Variants in PRLR observed in about 807,000 individuals in gnomAD.
The protein encoded by PRLR is hPRL receptor.
Under a neutral mutation model 40.2 loss-of-function variants are expected in PRLR, and 13 were observed. The ratio of observed to expected loss-of-function variants is 0.32; its 90% CI spans 0.21 to 0.51. PRLR has a LOEUF of 0.51. Among genes scored for constraint, PRLR ranks in the 20% least tolerant of loss-of-function variants. PRLR has a pLI of 0.97. For missense variants in PRLR, 656 were observed against 747.3 expected, an observed-to-expected ratio of 0.88 and a Z score of 1.42; for synonymous variants, 269 against 278.7, an observed-to-expected ratio of 0.97 and a Z score of 0.35.
chr5:35,099,912 C>G (rs1771766506), intron 2 of PRLR, among the ~76,000 whole-genome samples: 1 of 152,076 alleles, frequency 6.6e-6, no homozygotes, highest in Non-Finnish European at 1.5e-5. Flanking sequence ...CACGGTGGTT[C>G]ACGCCTGTAA....
At chr5:35,218,611 C>T (rs1339184236) in intron 1 of PRLR, among the ~76,000 whole-genome samples, 1 of 152,092 alleles carries the variant, frequency 6.6e-6, no homozygotes, top group African/African-American at 2.4e-5. Flanking sequence ...AACCAAGTAA[C>T]TTGAGAGAAG....
rs562181335 is a variant in PRLR at position 35,080,692 on chromosome 5, G to A, written c.373+3778C>T. On this transcript the variant is annotated intron_variant, in intron 5 of 9. Transcript: ENST00000618457. ...TTTGACCCAGCCATCCCATTACTGC[G>A]TATATACCCAAGGGATTATAAATAA... 5.1e-4 allele frequency among the ~76,000 whole-genome samples: 78 copies of A among 152,168 alleles called. 2 individuals carry two copies. In the South Asian group the frequency reaches 0.01, roughly 20 times the overall value.
At chr5:35,074,863 C>T (rs942073433) in intron 5 of PRLR, among the ~76,000 whole-genome samples, 10 of 151,910 alleles carry the variant, frequency 6.6e-5, no homozygotes, top group African/African-American at 2.4e-4. Context: ...CTTGTGAGTA[C>T]CTTCCTAAGA....
chr5:35,079,081 A>G (rs1174471300), intron 5 of PRLR, among the ~76,000 whole-genome samples: 6 of 152,226 alleles, frequency 3.9e-5, no homozygotes, highest in African/African-American at 1.4e-4. Flanking sequence ...GCTATTTATG[A>G]CAAACCCACA....
At chr5:35,094,884 G>A (rs956748818) in intron 2 of PRLR, among the ~76,000 whole-genome samples, 4 of 146,998 alleles carry the variant, frequency 2.7e-5, no homozygotes, top group Non-Finnish European at 5.9e-5. Flanking sequence ...CTGGAGTGCA[G>A]TGGCATGATC....
rs1030467978 is a variant in PRLR at position 35,189,505 on chromosome 5, C to T, written c.-106+40763G>A. Among the ~76,000 whole-genome samples the T allele has an allele frequency of 1.2e-4, 18 of 152,040 alleles. No homozygotes were observed. In the South Asian group the frequency reaches 1.2e-3, roughly 11 times the overall value. ...CTGAGGCTGAAGAATAGCTTGAACC[C>T]GGGAGGCAGAGGTTGTAGTGAGCTG... On this transcript the variant is annotated intron_variant, in intron 1 of 9. Transcript: ENST00000618457.
chr5:35,086,061 ATGGACCT>A, intron 4 of PRLR, 140 bp downstream of exon 4: 1 of 917,000 alleles, frequency 1.1e-6, no homozygotes, highest in Admixed American at 2.3e-5. Context: ...GAATGTGGGC[ATGGACCT>A]TAGACTCCCC....
chr5:35,174,990 A>G (rs1023227213), intron 1 of PRLR, among the ~76,000 whole-genome samples: 6 of 152,224 alleles, frequency 3.9e-5, no homozygotes, highest in Admixed American at 3.3e-4. Context: ...GGATGGTTTA[A>G]AAGTTATTTT....
chr5:35,080,957 C>T (rs568589701), intron 5 of PRLR, among the ~76,000 whole-genome samples: 43 of 147,702 alleles, frequency 2.9e-4, no homozygotes, highest in African/African-American at 1.0e-3. Flanking sequence ...AACCAAACAC[C>T]GCATGTTCTC....
At chr5:35,150,490 T>C (rs1341589941) in intron 1 of PRLR, among the ~76,000 whole-genome samples, 1 of 152,228 alleles carries the variant, frequency 6.6e-6, no homozygotes, top group Non-Finnish European at 1.5e-5. Context: ...AGAATTGTGC[T>C]GTCAGACTAA....
Position 35,068,511 on chromosome 5 carries a change from T to G in PRLR, c.786-226A>C, listed in dbSNP as rs35485069. 1.0e-3 allele frequency among the ~76,000 whole-genome samples: 153 copies of G among 152,332 alleles called. 2 individuals carry two copies. In the Middle Eastern group the frequency reaches 0.017, roughly 17 times the overall value. On this transcript the variant is annotated intron_variant, in intron 8 of 9. Transcript: ENST00000618457. ...AAGTTAGTGGATTATCTGGACTATT[T>G]GCTTCTCTTGATTTTAGCTACTCTT...
intron 1 of PRLR, among the ~76,000 whole-genome samples, chr5:35,120,988 AAAC>A (rs1163379731): frequency 1.3e-5 from 2 of 152,230 alleles, no homozygotes; most frequent in Non-Finnish European, 2.9e-5. Context: ...TTATATAAAT[AAAC>A]AGGCTGGATC....
chr5:35,121,064 G>A (rs1268785284), intron 1 of PRLR, among the ~76,000 whole-genome samples: 1 of 152,178 alleles, frequency 6.6e-6, no homozygotes, highest in African/African-American at 2.4e-5. Flanking sequence ...TTATTCTAGA[G>A]GTGCCCAGAA....
At position 35,089,593 on chromosome 5, in the gene PRLR, C is replaced by A; in HGVS notation, c.28G>T (p.Val10Phe). 1 of 1,614,000 alleles carries A rather than the reference C, an allele frequency of 6.2e-7. No homozygotes were observed. Among genetic ancestry groups the A allele is most frequent in the Non-Finnish European group, 8.5e-7 (1 of 1,179,894 alleles). ...TTGAGAAAAAGTAGCAGAGTGAAAACGGTTGCAGATGCCACATTTTCCTTC... is the reference window on the plus strand; with the variant it reads ...TTGAGAAAAAGTAGCAGAGTGAAAAAGGTTGCAGATGCCACATTTTCCTTC... MKENVASAT[V>F]FTLLLFLNTC... is the part of the protein sequence containing the mutation. The change falls in exon 3 of 10, where the codon GTT (valine) becomes TTT (phenylalanine). Residue 10 changes from valine to phenylalanine, a missense_variant. Physicochemically the swap from Val to Phe is conservative, Grantham distance 50. Coordinates refer to ENST00000618457, the MANE Select transcript of PRLR (RefSeq NM_000949.7).
At chr5:35,117,949 G>A in intron 2 of PRLR, 112 bp downstream of exon 2, 1 of 477,784 alleles carries the variant, frequency 2.1e-6, no homozygotes, top group Non-Finnish European at 2.7e-6. Flanking sequence ...ACATTGACTG[G>A]TTTGAGATGA....
chr5:35,130,544 T>G (rs1773637368), intron 1 of PRLR, among the ~76,000 whole-genome samples: 2 of 152,314 alleles, frequency 1.3e-5, no homozygotes, highest in South Asian at 4.1e-4. Context: ...CGAGTTGTGA[T>G]CTCAATCCTT....
At chr5:35,074,673 G>T (rs548259244) in intron 5 of PRLR, among the ~76,000 whole-genome samples, 6 of 152,022 alleles carry the variant, frequency 3.9e-5, no homozygotes, top group African/African-American at 7.2e-5. Flanking sequence ...TAGTGGTGAT[G>T]GTTGCATAAA....
chr5:35,219,227 G>C (rs960347438), intron 1 of PRLR, among the ~76,000 whole-genome samples: 2 of 152,190 alleles, frequency 1.3e-5, no homozygotes, highest in Non-Finnish European at 1.5e-5. Context: ...ACTTCTGAAG[G>C]TGGCAGCTTC....
chr5:35,172,624 G>A (rs1775034532), intron 1 of PRLR, among the ~76,000 whole-genome samples: 1 of 152,242 alleles, frequency 6.6e-6, no homozygotes, highest in Non-Finnish European at 1.5e-5. Context: ...TTTGTAAAGA[G>A]TTCCATTGTC....
Sources: gnomAD v4.1 joint callset for allele counts (sites outside exome capture counted in the v4.1 genomes callset) on GRCh38, gnomAD v4.1.1 for gene constraint, MANE v1.5 for transcripts, NCBI Gene and HGNC (gene_info 2026-07-23, HGNC 2026-07-21) for gene names.